PEX13: variants seen among roughly 807,000 people sequenced by gnomAD.
The protein encoded by PEX13 is peroxisomal biogenesis factor 13.
PEX13 carries 28 observed loss-of-function variants against 34.5 expected under a neutral mutation model. The ratio of observed to expected loss-of-function variants is 0.81; its 90% CI spans 0.60 to 1.11. The LOEUF (loss-of-function observed/expected upper bound fraction) is 1.11, where lower values mean the gene tolerates loss of function less well. Among genes scored for constraint, PEX13 ranks in the 50% most tolerant of loss-of-function variants. PEX13 has a pLI of 0.00. For synonymous variants in PEX13, 177 were observed against 175.1 expected, an observed-to-expected ratio of 1.01 and a Z score of -0.09; for missense variants, 550 against 491.0, an observed-to-expected ratio of 1.12 and a Z score of -1.13.
At chr2:61,018,395 T>G in intron 1 of PEX13, 2 of 1,384,680 alleles carry the variant, frequency 1.4e-6, no homozygotes, top group Non-Finnish European at 1.9e-6. Context: ...GAAGCAACTT[T>G]AAAGCAGGAG....
chr2:61,051,228 A>G lies in PEX13; in HGVS notation c.*2458A>G, dbSNP rs890893726. ...GTATATTATTTTTCATTTGTGTTCT[A>G]CAATTAAAGGTTCTGCTTTGATTTG... On this transcript the variant is annotated 3_prime_UTR_variant, in exon 4 of 4. Transcript: ENST00000295030. 7 of 152,484 alleles carry G rather than the reference A, an allele frequency of 4.6e-5. No individual in the cohort carries two copies. Among genetic ancestry groups the G allele is most frequent in the South Asian group, 4.1e-4 (2 of 4,834 alleles). 9.4% of individuals were successfully genotyped at this position (152,484 alleles called of 1,614,324 possible). A position where few individuals can be genotyped will look rare whatever the true frequency, so the allele number is the denominator to read the frequency against.
In PEX13 at chr2:61,050,061, A is replaced by G. The variant is rs1247694032; in HGVS notation, c.*1291A>G. On this transcript the variant is annotated 3_prime_UTR_variant, in exon 4 of 4. Transcript: ENST00000295030. Reference sequence around the variant, plus strand: ...TTTAGGTTTAGTTTTTACTACTGAGACTTATTTATAGTCTTAGTGCTCTAT... The same window carrying G: ...TTTAGGTTTAGTTTTTACTACTGAGGCTTATTTATAGTCTTAGTGCTCTAT... 6.6e-6 allele frequency: 1 copy of G among 152,236 alleles called. No individual in the cohort carries two copies. Among genetic ancestry groups the G allele is most frequent in the Non-Finnish European group, 1.5e-5 (1 of 68,016 alleles). 9.4% of individuals were successfully genotyped at this position (152,236 alleles called of 1,614,324 possible).
rs753444647 is a variant in PEX13 at position 61,048,651 on chromosome 2, A to G, written c.1093A>G (p.Thr365Ala). The change falls in exon 4 of 4, where the codon ACG (threonine) becomes GCG (alanine). Residue 365 changes from threonine (T) to alanine (A), a missense_variant. Thr to Ala is a moderately conservative substitution (Grantham distance 58, BLOSUM62 0). Coordinates refer to ENST00000295030, the MANE Select transcript of PEX13 (RefSeq NM_002618.4). ...CAACCCAACACTAACTAAAGGAGCC[A>G]CGGTTGCTGATTCTTTGGATGAACA... ...FTNPTLTKGA[T>A]VADSLDEQEA... 49 of 1,613,908 alleles carry G rather than the reference A, an allele frequency of 3.0e-5. No homozygotes were observed. Among genetic ancestry groups the G allele is most frequent in the Non-Finnish European group, 3.9e-5 (46 of 1,179,892 alleles).
At chr2:61,027,338 C>CA (rs547417473) in intron 1 of PEX13, among the ~76,000 whole-genome samples, 29,614 of 102,912 alleles carry the variant, frequency 0.29, 3,779 homozygotes, top group African/African-American at 0.43. Flanking sequence ...GACTCTGTCT[C>CA]AAAAAAAAAA....
At chr2:61,023,497 C>T (rs1375035569) in intron 1 of PEX13, among the ~76,000 whole-genome samples, 2 of 151,026 alleles carry the variant, frequency 1.3e-5, no homozygotes, top group East Asian at 1.9e-4. Flanking sequence ...TTTTTTAATT[C>T]AGGAAAATGC....
Sources: gnomAD v4.1 joint callset for allele counts (sites outside exome capture counted in the v4.1 genomes callset) on GRCh38, gnomAD v4.1.1 for gene constraint, MANE v1.5 for transcripts, NCBI Gene and HGNC (gene_info 2026-07-23, HGNC 2026-07-21) for gene names.